Variants in GUCY1A2 observed in about 807,000 individuals in gnomAD.
GUCY1A2 encodes guanylate cyclase soluble subunit alpha-2.
In GUCY1A2, 27 loss-of-function variants were observed where a neutral mutation model predicts 63.5. That is an observed-to-expected ratio of 0.43 (90% CI 0.31 to 0.59). GUCY1A2 has a LOEUF of 0.59. Among genes scored for constraint, GUCY1A2 ranks in the 20% least tolerant of loss-of-function variants. GUCY1A2 has a pLI of 0.11. For missense variants in GUCY1A2, 768 were observed against 913.3 expected, an observed-to-expected ratio of 0.84 and a Z score of 2.05; for synonymous variants, 364 against 343.5, an observed-to-expected ratio of 1.06 and a Z score of -0.66.
intron 4 of GUCY1A2, among the ~76,000 whole-genome samples, chr11:106,811,847 T>G (rs1336807781): frequency 6.6e-6 from 1 of 152,026 alleles, no homozygotes; most frequent in African/African-American, 2.4e-5. Context: ...CTGCTCTGGA[T>G]GATAAGGATA....
intron 4 of GUCY1A2, chr11:106,827,851 T>G (rs902772830): frequency 1.2e-5 from 20 of 1,600,050 alleles, no homozygotes; most frequent in Non-Finnish European, 1.7e-5. Context: ...CCGACCACCA[T>G]GAACTTCCCT....
chr11:106,807,131 G>C (rs1447020072), intron 5 of GUCY1A2, among the ~76,000 whole-genome samples: 4 of 151,926 alleles, frequency 2.6e-5, no homozygotes, highest in Non-Finnish European at 5.9e-5. Context: ...CTGTGGTATG[G>C]TTATTCTACA....
intron 4 of GUCY1A2, among the ~76,000 whole-genome samples, chr11:106,876,304 A>T (rs1859747834): frequency 6.6e-6 from 1 of 152,128 alleles, no homozygotes; most frequent in Non-Finnish European, 1.5e-5. Context: ...GGAAGCAAAG[A>T]AAAACCACTG....
At chr11:106,914,256 G>T (rs975476974) in intron 4 of GUCY1A2, among the ~76,000 whole-genome samples, 1 of 151,790 alleles carries the variant, frequency 6.6e-6, no homozygotes. Context: ...GAACTTAATG[G>T]GTCACACTAT....
Position 106,986,058 on chromosome 11 carries a change from A to AT in GUCY1A2, c.365+11dup, listed in dbSNP as rs751916754. On this transcript the variant is annotated intron_variant, in intron 2 of 7. Transcript: ENST00000526355. Reference sequence around the variant, plus strand: ...TTGTCCCCAATAATAACCGAAATCAATTTTTACTTACCCAATAACTTGATG... The same window carrying AT: ...TTGTCCCCAATAATAACCGAAATCAATTTTTTACTTACCCAATAACTTGATG... 1 of 1,339,072 alleles carries AT rather than the reference A, an allele frequency of 7.5e-7. No homozygotes were observed. The highest frequency in any genetic ancestry group is 1.1e-6 in the Non-Finnish European group (1 of 929,466). 82.9% of individuals were successfully genotyped at this position (1,339,072 alleles called of 1,614,324 possible). A position where few individuals can be genotyped will look rare whatever the true frequency, so the allele number is the denominator to read the frequency against.
At chr11:106,717,481 A>C (rs996729981) in intron 6 of GUCY1A2, among the ~76,000 whole-genome samples, 2 of 152,244 alleles carry the variant, frequency 1.3e-5, no homozygotes, top group African/African-American at 2.4e-5. Context: ...CATGAGTAAC[A>C]TTATGAGCTA....
chr11:106,708,782 C>T (rs1359018194), intron 6 of GUCY1A2, 116 bp from the exon 7 acceptor site: 2 of 605,766 alleles, frequency 3.3e-6, no homozygotes, highest in Non-Finnish European at 5.2e-6. Context: ...CTATGAGCTC[C>T]TCAAAGACAG....
intron 5 of GUCY1A2, among the ~76,000 whole-genome samples, chr11:106,794,253 T>C (rs1383696006): frequency 1.3e-5 from 2 of 152,032 alleles, no homozygotes; most frequent in Admixed American, 6.6e-5. Context: ...GAAAGATAAA[T>C]ACTATATGAT....
intron 7 of GUCY1A2, 77 bp from the exon 8 acceptor site, chr11:106,687,833 C>T (rs1038324213): frequency 1.1e-5 from 11 of 960,402 alleles, no homozygotes; most frequent in Non-Finnish European, 1.7e-5. Context: ...TTTAAAGGCT[C>T]AGGAAGCCTA....
At chr11:107,012,414 C>A (rs1861760167) in intron 1 of GUCY1A2, among the ~76,000 whole-genome samples, 1 of 151,948 alleles carries the variant, frequency 6.6e-6, no homozygotes, top group African/African-American at 2.4e-5. Context: ...TAGATCTCAC[C>A]CTGAAACTAT....
At chr11:106,796,950 A>G (rs1250418825) in intron 5 of GUCY1A2, among the ~76,000 whole-genome samples, 5 of 151,912 alleles carry the variant, frequency 3.3e-5, no homozygotes, top group Non-Finnish European at 5.9e-5. Flanking sequence ...ATAGTCCCAT[A>G]TTTCTTGGAG....
intron 5 of GUCY1A2, among the ~76,000 whole-genome samples, chr11:106,794,143 G>C (rs1864712140): frequency 6.6e-6 from 1 of 151,670 alleles, no homozygotes; most frequent in Non-Finnish European, 1.5e-5. Flanking sequence ...CACACACACA[G>C]ATGTATGTAA....
rs551902187 is a variant in GUCY1A2, at chr11:106,731,404, C to G, written c.1837-22738G>C. Among the ~76,000 whole-genome samples, 39 of 152,254 alleles carry G rather than the reference C, an allele frequency of 2.6e-4. 1 individual carries two copies. Among genetic ancestry groups the G allele is most frequent in the African/African-American group, 8.9e-4 (37 of 41,540 alleles). On this transcript the variant is annotated intron_variant, in intron 6 of 7. Transcript: ENST00000526355. The stretch of plus-strand genomic sequence containing the variant: ...CATATTTCAAAATAATAAGAGCCAC[C>G]TATGACAAATCCACAATCAACATCA...
intron 7 of GUCY1A2, among the ~76,000 whole-genome samples, chr11:106,698,138 T>TTTTTTTTTTTTTTTTTTTTTTTTTTTTG: frequency 6.9e-6 from 1 of 145,868 alleles, no homozygotes; most frequent in African/African-American, 2.6e-5. Flanking sequence ...TTTTTTTTTT[T>TTTTTTTTTTTTTTTTTTTTTTTTTTTTG]AGACAGGGTC....
rs1002116935 is a variant in GUCY1A2, at chr11:106,693,337, G to A, written c.1992-5581C>T. Among the ~76,000 whole-genome samples the A allele has an allele frequency of 5.1e-4, 77 of 152,108 alleles. 1 individual carries two copies. The highest frequency in any genetic ancestry group is 1.8e-3 in the African/African-American group (75 of 41,408). ...GTATTTGGCTGTTAAAAAGTAAGAT[G>A]TCATTCTGTTTTTTAATCCTGGGCA... On this transcript the variant is annotated intron_variant, in intron 7 of 7. Coordinates refer to ENST00000526355, the MANE Select transcript of GUCY1A2 (RefSeq NM_000855.3).
At chr11:106,710,296 T>TTA (rs60527792) in intron 6 of GUCY1A2, among the ~76,000 whole-genome samples, 267 of 1,156 alleles carry the variant, frequency 0.23, 74 homozygotes, top group Middle Eastern at 0.5. Flanking sequence ...TAATATATAG[T>TTA]TATATATTAT....
intron 7 of GUCY1A2, among the ~76,000 whole-genome samples, chr11:106,707,979 AT>A (rs1294169667): frequency 1.3e-5 from 2 of 152,106 alleles, no homozygotes; most frequent in African/African-American, 2.4e-5. Flanking sequence ...AGATTTTCAA[AT>A]TTGGGATGCT....
chr11:106,777,935 G>C (rs1245648645), intron 5 of GUCY1A2, among the ~76,000 whole-genome samples: 1 of 152,104 alleles, frequency 6.6e-6, no homozygotes, highest in East Asian at 1.9e-4. Context: ...AGCTACCGTA[G>C]GGGTCTTTCC....
intron 5 of GUCY1A2, among the ~76,000 whole-genome samples, chr11:106,807,956 G>T (rs757255988): frequency 1.3e-5 from 2 of 152,182 alleles, no homozygotes; most frequent in African/African-American, 4.8e-5. Context: ...CAGACTGAAG[G>T]CTGCACTGTT....
Sources: allele counts gnomAD v4.1 joint callset (sites outside exome capture counted in the v4.1 genomes callset), GRCh38; gene constraint gnomAD v4.1.1; transcripts MANE v1.5; gene names NCBI Gene and HGNC (gene_info 2026-07-23, HGNC 2026-07-21).